FRMD6: variants seen among roughly 807,000 people sequenced by gnomAD.
FRMD6 encodes the protein FERM domain containing 6.
Under a neutral mutation model 73.2 loss-of-function variants are expected in FRMD6, and 37 were observed. That is an observed-to-expected ratio of 0.51 (90% confidence interval 0.39 to 0.66). The LOEUF is 0.66. FRMD6 is among the 30% of genes least tolerant of loss of function. The pLI is 0.00. For synonymous variants in FRMD6, 273 were observed against 282.2 expected (o/e 0.97, Z 0.33); for missense variants, 714 against 780.5 (o/e 0.91, Z 1.02).
intron 1 of FRMD6, among the ~76,000 whole-genome samples, chr14:51,520,035 A>G (rs927022415): frequency 1.3e-5 from 2 of 152,240 alleles, no homozygotes; most frequent in African/African-American, 4.8e-5. Context: ...ATGAAAAGGC[A>G]AACAACAAAA....
At chr14:51,405,373 A>G in the FRMD6 span, among the ~76,000 whole-genome samples, 1 of 152,128 alleles carries the variant, frequency 6.6e-6, no homozygotes, top group East Asian at 1.9e-4. Context: ...CAATGGTTAA[A>G]CTAATTTATA....
intron 1 of FRMD6, among the ~76,000 whole-genome samples, chr14:51,680,689 G>A (rs905416369): frequency 2.6e-5 from 4 of 151,994 alleles, no homozygotes; most frequent in African/African-American, 7.2e-5. Flanking sequence ...TAGTGAAAGG[G>A]TAATTTTTGG....
chr14:51,696,921 G>A (rs540373168), intron 2 of FRMD6, among the ~76,000 whole-genome samples: 25 of 152,122 alleles, frequency 1.6e-4, no homozygotes, highest in African/African-American at 6.0e-4. Flanking sequence ...TGACCAATAG[G>A]CTTATGAAAA....
Position 51,617,095 on chromosome 14 carries a change from C to T in FRMD6, c.-147+46685C>T, listed in dbSNP as rs578093941. Reference sequence around the variant, plus strand: ...TGCCATGTGGAAGCCCCCTTATTTTCCGTAGGGACAGGCAGTGTTGCTCTT... The same window carrying T: ...TGCCATGTGGAAGCCCCCTTATTTTTCGTAGGGACAGGCAGTGTTGCTCTT... On this transcript the variant is annotated intron_variant, in intron 2 of 14. Coordinates refer to the FRMD6 transcript ENST00000356218. 1.2e-4 allele frequency among the ~76,000 whole-genome samples: 18 copies of T among 152,306 alleles called. No individual in the cohort carries two copies. The East Asian group carries it at 2.5e-3, about 21-fold the overall frequency.
In FRMD6 at chr14:51,712,470, A is replaced by T. The variant is rs1466637359; in HGVS notation, c.781-13A>T. 1.3e-6 allele frequency: 2 copies of T among 1,537,904 alleles called. No individual in the cohort carries two copies. The highest frequency in any genetic ancestry group is 3.4e-5 in the Admixed American group (2 of 58,974). On this transcript the variant is annotated splice_polypyrimidine_tract_variant and intron_variant, in intron 8 of 13. Coordinates refer to ENST00000344768, the MANE Select transcript of FRMD6 (RefSeq NM_001267046.2). ...TTTTTCCCATTAACTCCATATGCAT[A>T]TTCTTTTCACAGAATTTAGATGAAG... is the stretch of plus-strand genomic sequence containing the variant.
At chr14:51,523,427 G>A (rs1212004041) in intron 1 of FRMD6, among the ~76,000 whole-genome samples, 1 of 152,178 alleles carries the variant, frequency 6.6e-6, no homozygotes, top group Non-Finnish European at 1.5e-5. Flanking sequence ...AGGCACATAT[G>A]CAGAACTGGG....
At chr14:51,629,976 CTTGCTATG>C (rs1891276273) in intron 2 of FRMD6, among the ~76,000 whole-genome samples, 1 of 152,100 alleles carries the variant, frequency 6.6e-6, no homozygotes, top group African/African-American at 2.4e-5. Flanking sequence ...GAGACAGGGC[CTTGCTATG>C]TTGCTTAGGC....
chr14:51,427,908 C>A, the FRMD6 span, among the ~76,000 whole-genome samples: 1 of 152,182 alleles, frequency 6.6e-6, no homozygotes, highest in African/African-American at 2.4e-5. Context: ...GACCAGCAAA[C>A]AACGGATGTA....
intron 2 of FRMD6, among the ~76,000 whole-genome samples, chr14:51,613,316 T>C (rs2139877212): frequency 6.6e-6 from 1 of 152,212 alleles, no homozygotes; most frequent in Non-Finnish European, 1.5e-5. Context: ...ATTGTTTGCA[T>C]GTGTGGGTGT....
intron 2 of FRMD6, among the ~76,000 whole-genome samples, chr14:51,612,290 C>A (rs888625568): frequency 1.1e-4 from 17 of 152,118 alleles, no homozygotes; most frequent in African/African-American, 3.9e-4. Flanking sequence ...ATTCACAGAG[C>A]AAAGGATAAA....
At chr14:51,411,490 G>A in the FRMD6 span, among the ~76,000 whole-genome samples, 1 of 152,168 alleles carries the variant, frequency 6.6e-6, no homozygotes, top group African/African-American at 2.4e-5. Flanking sequence ...CAGGCTGCTG[G>A]TCTCTCCCTT....
chr14:51,398,788 C>T, the FRMD6 span, among the ~76,000 whole-genome samples: 4 of 152,106 alleles, frequency 2.6e-5, no homozygotes, highest in Non-Finnish European at 5.9e-5. Context: ...CAATAGATTC[C>T]ATAATTTTTT....
chr14:51,570,810 A>G (rs1888094174), intron 2 of FRMD6, among the ~76,000 whole-genome samples: 1 of 152,174 alleles, frequency 6.6e-6, no homozygotes, highest in African/African-American at 2.4e-5. Context: ...TCTTTTCTCC[A>G]TTGCCTTTTC....
intron 2 of FRMD6, chr14:51,637,266 T>C (rs1891607531): frequency 6.6e-6 from 1 of 152,176 alleles, no homozygotes; most frequent in African/African-American, 2.4e-5. Flanking sequence ...AAATAAATCT[T>C]CATTTTTCTT....
At chr14:51,429,390 G>T in the FRMD6 span, among the ~76,000 whole-genome samples, 2 of 151,274 alleles carry the variant, frequency 1.3e-5, no homozygotes, top group Non-Finnish European at 2.9e-5. Flanking sequence ...CAACCCAGCC[G>T]TTCAAAAACA....
At chr14:51,400,847 T>G in the FRMD6 span, among the ~76,000 whole-genome samples, 3 of 152,320 alleles carry the variant, frequency 2.0e-5, no homozygotes, top group African/African-American at 7.2e-5. Context: ...ATTTAGGTTT[T>G]AAAGAGCCCT....
intron 1 of FRMD6, among the ~76,000 whole-genome samples, chr14:51,557,410 C>G (rs2139480045): frequency 6.6e-6 from 1 of 152,210 alleles, no homozygotes; most frequent in South Asian, 2.1e-4. Context: ...CCAAATACAG[C>G]ATGATCTCAC....
chr14:51,607,737 A>G (rs1890321994), intron 2 of FRMD6, among the ~76,000 whole-genome samples: 1 of 152,114 alleles, frequency 6.6e-6, no homozygotes, highest in Non-Finnish European at 1.5e-5. Context: ...ACTTAACTAT[A>G]TGTCTAAATG....
chr14:51,436,391 C>T, the FRMD6 span: 407,213 of 450,414 alleles, frequency 0.9, 184,990 homozygotes, highest in African/African-American at 0.97. Flanking sequence ...CAGTGCATTA[C>T]TTGACCAGAG....
Sources: gnomAD v4.1 joint callset for allele counts (sites outside exome capture counted in the v4.1 genomes callset) on GRCh38, gnomAD v4.1.1 for gene constraint, MANE v1.5 for transcripts, NCBI Gene and HGNC (gene_info 2026-07-23, HGNC 2026-07-21) for gene names.